Variants in RABGAP1L observed in about 807,000 individuals in gnomAD.
The protein encoded by RABGAP1L is rab GTPase-activating protein 1-like.
A neutral mutation model predicts 137.7 loss-of-function variants in RABGAP1L; 63 were observed. The observed-to-expected ratio is 0.46, with a 90% CI of 0.37 to 0.56. The LOEUF (loss-of-function observed/expected upper bound fraction) is 0.56. Ranked by LOEUF, RABGAP1L falls within the 20% of genes least tolerant of loss-of-function variation. The pLI is 0.00. For synonymous variants in RABGAP1L, 431 were observed against 433.7 expected, an observed-to-expected ratio of 0.99 and a Z score of 0.08; for missense variants, 1,095 against 1,244.0, an observed-to-expected ratio of 0.88 and a Z score of 1.80.
At chr1:174,649,307 A>T (rs1162082016) in intron 14 of RABGAP1L, among the ~76,000 whole-genome samples, 1 of 152,044 alleles carries the variant, frequency 6.6e-6, no homozygotes, top group Admixed American at 6.6e-5. Context: ...GATGGTCTTT[A>T]CAATTTGGTA....
chr1:174,685,716 A>G (rs1335320096), intron 15 of RABGAP1L, among the ~76,000 whole-genome samples: 1 of 151,906 alleles, frequency 6.6e-6, no homozygotes, highest in Non-Finnish European at 1.5e-5. Context: ...GGCATGCGCC[A>G]CCACACCGGG....
intron 19 of RABGAP1L, among the ~76,000 whole-genome samples, chr1:174,866,361 G>A (rs1251639555): frequency 6.6e-6 from 1 of 152,150 alleles, no homozygotes; most frequent in African/African-American, 2.4e-5. Context: ...TATGACAGCT[G>A]TTTTAGAATT....
intron 14 of RABGAP1L, among the ~76,000 whole-genome samples, chr1:174,655,225 A>T (rs935382798): frequency 9.9e-5 from 15 of 152,202 alleles, no homozygotes; most frequent in African/African-American, 2.7e-4. Flanking sequence ...AGTTTTTACT[A>T]ATCATCCAAA....
At chr1:174,641,700 G>A (rs1351520528) in intron 14 of RABGAP1L, among the ~76,000 whole-genome samples, 1 of 152,128 alleles carries the variant, frequency 6.6e-6, no homozygotes, top group Non-Finnish European at 1.5e-5. Flanking sequence ...TGGGCATCAG[G>A]AAATCTGGTT....
At chr1:174,713,777 A>G (rs376916096) in intron 17 of RABGAP1L, among the ~76,000 whole-genome samples, 1 of 152,192 alleles carries the variant, frequency 6.6e-6, no homozygotes, top group Non-Finnish European at 1.5e-5. Flanking sequence ...CCAGACTAAC[A>G]CACACTCACT....
chr1:174,372,201 G>A (rs1301474111), intron 12 of RABGAP1L, among the ~76,000 whole-genome samples: 1 of 151,918 alleles, frequency 6.6e-6, no homozygotes, highest in Non-Finnish European at 1.5e-5. Flanking sequence ...TAATTTAAAG[G>A]TAATTTATTC....
chr1:174,880,595 C>G (rs1340111668), intron 19 of RABGAP1L, among the ~76,000 whole-genome samples: 2 of 145,728 alleles, frequency 1.4e-5, no homozygotes, highest in Non-Finnish European at 3.0e-5. Context: ...CTCCCTGCCT[C>G]TCTTCCTTTT....
intron 20 of RABGAP1L, among the ~76,000 whole-genome samples, chr1:174,969,069 A>AG (rs1185823729): frequency 6.6e-6 from 1 of 152,214 alleles, no homozygotes; most frequent in African/African-American, 2.4e-5. Flanking sequence ...TTAAGGGACC[A>AG]GTTTCACCGG....
intron 18 of RABGAP1L, among the ~76,000 whole-genome samples, chr1:174,800,921 A>T (rs1688707908): frequency 6.6e-6 from 1 of 152,144 alleles, no homozygotes; most frequent in Non-Finnish European, 1.5e-5. Flanking sequence ...TCCCCATTAG[A>T]TTGCCAATTT....
At chr1:174,576,319 A>C (rs1423398642) in intron 13 of RABGAP1L, among the ~76,000 whole-genome samples, 3 of 152,136 alleles carry the variant, frequency 2.0e-5, no homozygotes, top group African/African-American at 7.2e-5. Flanking sequence ...GTCCGTTTAT[A>C]GGCTCTCCAC....
At chr1:174,461,139 G>A (rs932710648) in intron 13 of RABGAP1L, among the ~76,000 whole-genome samples, 1 of 152,088 alleles carries the variant, frequency 6.6e-6, no homozygotes, top group African/African-American at 2.4e-5. Flanking sequence ...TTGCGTTTGA[G>A]AAAGGTTTCG....
intron 11 of RABGAP1L, among the ~76,000 whole-genome samples, chr1:174,314,764 G>A (rs1679212807): frequency 6.6e-6 from 1 of 152,058 alleles, no homozygotes; most frequent in South Asian, 2.1e-4. Flanking sequence ...TCGTTCAGGA[G>A]CGTATTGTTT....
At chr1:174,836,589 G>A (rs1285209049) in intron 19 of RABGAP1L, among the ~76,000 whole-genome samples, 1 of 152,170 alleles carries the variant, frequency 6.6e-6, no homozygotes, top group African/African-American at 2.4e-5. Flanking sequence ...TATCTCTTGA[G>A]GTAAACGCTT....
chr1:174,875,064 G>A (rs912767176), intron 19 of RABGAP1L, among the ~76,000 whole-genome samples: 2 of 152,194 alleles, frequency 1.3e-5, no homozygotes, highest in Non-Finnish European at 2.9e-5. Flanking sequence ...TCTAGTCACT[G>A]TGGCTAATTA....
intron 13 of RABGAP1L, among the ~76,000 whole-genome samples, chr1:174,520,209 T>C (rs911454855): frequency 2.0e-5 from 3 of 152,228 alleles, no homozygotes; most frequent in Admixed American, 2.0e-4. Flanking sequence ...AAAGCCTCAG[T>C]CCTCAGGACT....
At chr1:174,246,865 C>T (rs971457203) in intron 5 of RABGAP1L, among the ~76,000 whole-genome samples, 1 of 152,194 alleles carries the variant, frequency 6.6e-6, no homozygotes, top group African/African-American at 2.4e-5. Context: ...TCTTGGATTA[C>T]TGTTTCAGCT....
At chr1:174,574,192 A>G (rs1026776745) in intron 13 of RABGAP1L, among the ~76,000 whole-genome samples, 1 of 152,300 alleles carries the variant, frequency 6.6e-6, no homozygotes, top group African/African-American at 2.4e-5. Context: ...GATTTAAGCC[A>G]TTTTCTCATG....
At chr1:174,737,311 A>G (rs544366023) in intron 17 of RABGAP1L, among the ~76,000 whole-genome samples, 72 of 152,342 alleles carry the variant, frequency 4.7e-4, no homozygotes, top group Non-Finnish European at 8.5e-4. Flanking sequence ...CCCTGTTATC[A>G]TTAAGTTCAA....
chr1:174,911,923 G>A (rs1009360005), intron 19 of RABGAP1L, among the ~76,000 whole-genome samples: 6 of 152,068 alleles, frequency 3.9e-5, no homozygotes, highest in African/African-American at 1.2e-4. Context: ...CATTTGTCAC[G>A]CAATAGGAAC....
Sources: gnomAD v4.1 joint callset for allele counts (sites outside exome capture counted in the v4.1 genomes callset) on GRCh38, gnomAD v4.1.1 for gene constraint, MANE v1.5 for transcripts, NCBI Gene and HGNC (gene_info 2026-07-23, HGNC 2026-07-21) for gene names.